The following ZC3HC1 variants were observed in gnomAD, a reference collection of about 807,000 sequenced individuals.
ZC3HC1 encodes the protein zinc finger C3HC-type protein 1.
In ZC3HC1, 38 loss-of-function variants were observed where a neutral mutation model predicts 61.9. The ratio of observed to expected loss-of-function variants is 0.61; its 90% CI spans 0.47 to 0.81. The LOEUF is 0.81. Ranked by LOEUF, ZC3HC1 falls within the 30% of genes least tolerant of loss-of-function variation. ZC3HC1 has a pLI of 0.00. For missense variants in ZC3HC1, 554 were observed against 622.7 expected (o/e 0.89, Z 1.17); for synonymous variants, 213 against 229.9 (o/e 0.93, Z 0.67).
chr7:130,049,115 A>G lies in ZC3HC1; in HGVS notation c.176T>C (p.Val59Ala). The G allele has an allele frequency of 1.2e-6, 2 of 1,604,078 alleles. No homozygotes were observed. Among genetic ancestry groups the G allele is most frequent in the South Asian group, 1.1e-5 (1 of 88,408 alleles). Residue 59 changes from valine to alanine, a missense_variant, in exon 2 of 10, where the codon GTT becomes GCT. Coordinates refer to ENST00000358303, the MANE Select transcript of ZC3HC1 (RefSeq NM_016478.5). ...TTGTTCCGCTTGGGGTGATCCATTA[A>G]CTGACTGGGATGTGGCAGACGTGTC... ...AKDTSATSQS[V>A]NGSPQAEQPS...
intron 4 of ZC3HC1, among the ~76,000 whole-genome samples, chr7:130,035,728 C>T (rs936694532): frequency 2.0e-5 from 3 of 152,130 alleles, no homozygotes; most frequent in Non-Finnish European, 2.9e-5. Flanking sequence ...GTGGTCCTCC[C>T]GCCTTGGCCT....
chr7:130,039,465 T>A lies in ZC3HC1; in HGVS notation c.492A>T (p.Pro164=). 1 of 1,610,312 alleles carries A rather than the reference T, an allele frequency of 6.2e-7. No homozygotes were observed. Among genetic ancestry groups the A allele is most frequent in the Non-Finnish European group, 8.5e-7 (1 of 1,178,820 alleles). ...ACAGGAATTCTCAAAAATAAGTACC[T>A]GGGGATGGGCTGTCTGGCCAGAAAC... ...KFCFWPDSPS[P]DRFGMLPLDE... is the part of the protein sequence containing the mutation. Residue 164 remains proline, a splice_region_variant and synonymous_variant, in exon 4 of 10, where the codon CCA becomes CCT. Coordinates refer to ENST00000358303, the MANE Select transcript of ZC3HC1 (RefSeq NM_016478.5).
chr7:130,038,460 T>C (rs924690739), intron 4 of ZC3HC1, among the ~76,000 whole-genome samples: 6 of 152,168 alleles, frequency 3.9e-5, no homozygotes, highest in African/African-American at 1.4e-4. Flanking sequence ...ATGGCATTGC[T>C]TGGTGTGGTG....
intron 1 of ZC3HC1, among the ~76,000 whole-genome samples, chr7:130,050,167 T>G (rs1795021320): frequency 6.6e-6 from 1 of 151,998 alleles, no homozygotes; most frequent in African/African-American, 2.4e-5. Context: ...AACCTCCGCC[T>G]CCCAGGTTCA....
In ZC3HC1 at chr7:130,045,601, C is replaced by T. The variant is rs1794831168; in HGVS notation, c.258+3432G>A. 4 of 447,926 alleles carry T rather than the reference C, an allele frequency of 8.9e-6. No homozygotes were observed. The Admixed American group carries it at 9.5e-5, about 11-fold the overall frequency. The allele number at this position is 447,926 out of a possible 1,614,324, so 27.7% of individuals were successfully genotyped here. ...TTTGGATCTCATTTGCTGCACTTTC[C>T]TTTATAAGACATCAACTGGGCCAGG... On this transcript the variant is annotated intron_variant, in intron 2 of 9. Transcript: ENST00000358303.
At position 130,023,785 on chromosome 7, in the gene ZC3HC1, C is replaced by T. The variant is rs1793759424; in HGVS notation, c.1021-62G>A. On this transcript the variant is annotated intron_variant, in intron 7 of 9. Coordinates refer to ENST00000358303, the MANE Select transcript of ZC3HC1 (RefSeq NM_016478.5). The surrounding 1 kb of genome is among the most constrained non-coding windows in gnomAD (Gnocchi z 4.2). Reference sequence around the variant, plus strand: ...ATATTAATGATTATGGTCAGAAATACTTCTTTCTTTAATCTTTTTTCTTTT... The same window carrying T: ...ATATTAATGATTATGGTCAGAAATATTTCTTTCTTTAATCTTTTTTCTTTT... 5 of 1,327,826 alleles carry T rather than the reference C, an allele frequency of 3.8e-6. No individual in the cohort carries two copies. The highest frequency in any genetic ancestry group is 2.3e-5 in the Admixed American group (1 of 43,674). 82.3% of individuals were successfully genotyped at this position (1,327,826 alleles called of 1,614,324 possible).
At chr7:130,044,986 A>G (rs1020922918) in intron 2 of ZC3HC1, among the ~76,000 whole-genome samples, 2 of 152,248 alleles carry the variant, frequency 1.3e-5, no homozygotes, top group Non-Finnish European at 2.9e-5. Flanking sequence ...AGATTAAAGG[A>G]GAATAAAGCA....
In ZC3HC1 at chr7:130,040,228, C is replaced by T. The variant is rs1398826223; in HGVS notation, c.410-681G>A. ...AAAAAAAAAAGGCCGGGCACGGTGG[C>T]TCACGCCTGTAATCCCAGCACTTTG... On this transcript the variant is annotated intron_variant, in intron 3 of 9. Coordinates refer to ENST00000358303, the MANE Select transcript of ZC3HC1 (RefSeq NM_016478.5). 1.5e-4 allele frequency among the ~76,000 whole-genome samples: 21 copies of T among 138,232 alleles called. No homozygotes were observed. The Admixed American group carries it at 1.5e-3, about 10-fold the overall frequency. 90.7% of individuals were successfully genotyped at this position (138,232 alleles called of 152,430 possible).
rs1584838878 is a variant in ZC3HC1, at chr7:130,022,580, G to C, written c.1234-55C>G. Reference sequence around the variant, plus strand: ...ATAGGTAGATGCTATGTAAGTTCAGGGAGGCACTGCTGTTAGTTATCAAGT... The same window carrying C: ...ATAGGTAGATGCTATGTAAGTTCAGCGAGGCACTGCTGTTAGTTATCAAGT... On this transcript the variant is annotated intron_variant, in intron 8 of 9. Transcript: ENST00000358303. The C allele has an allele frequency of 4.4e-6, 7 of 1,577,426 alleles. No homozygotes were observed. In the Middle Eastern group the frequency reaches 5.0e-4, roughly 113 times the overall value.
At chr7:130,037,158 C>T (rs539569002) in intron 4 of ZC3HC1, among the ~76,000 whole-genome samples, 7 of 152,284 alleles carry the variant, frequency 4.6e-5, no homozygotes, top group East Asian at 3.9e-4. Flanking sequence ...AAAACTTGGA[C>T]GGCCAGGCGC....
chr7:130,051,137 G>A, intron 1 of ZC3HC1, 84 bp downstream of exon 1: 1 of 1,503,046 alleles, frequency 6.7e-7, no homozygotes, highest in Non-Finnish European at 8.8e-7. Flanking sequence ...GCCGACCGAG[G>A]GGAACCTCCC....
Position 130,018,366 on chromosome 7 carries a change from TGAA to T in ZC3HC1, c.*295_*297del, listed in dbSNP as rs1181957436. 9.4e-6 allele frequency: 3 copies of T among 319,410 alleles called. No individual in the cohort carries two copies. The highest frequency in any genetic ancestry group is 1.7e-5 in the Non-Finnish European group (3 of 173,110). The allele number at this position is 319,410 out of a possible 1,614,324, so 19.8% of individuals were successfully genotyped here. ...GAGTCCTCAGAACACTGCTCCACAT[TGAA>T]GATGCTGAAATGGGTGGTCAGGTCC... is the stretch of plus-strand genomic sequence containing the variant. On this transcript the variant is annotated 3_prime_UTR_variant, in exon 10 of 10. Transcript: ENST00000358303.
At chr7:130,019,141 C>A (rs1793508715) in intron 9 of ZC3HC1, among the ~76,000 whole-genome samples, 1 of 150,900 alleles carries the variant, frequency 6.6e-6, no homozygotes, top group Non-Finnish European at 1.5e-5. Context: ...GCAAGCTCTG[C>A]CTCCCGGGTT....
intron 1 of ZC3HC1, 95 bp downstream of exon 1, chr7:130,051,126 C>A (rs1795057647): frequency 6.8e-7 from 1 of 1,477,416 alleles, no homozygotes; most frequent in South Asian, 1.4e-5. Flanking sequence ...CTGCCCGAGT[C>A]GCCGACCGAG....
chr7:130,032,527 T>A (rs1326537986), intron 4 of ZC3HC1, among the ~76,000 whole-genome samples: 1 of 151,020 alleles, frequency 6.6e-6, no homozygotes, highest in African/African-American at 2.4e-5. Flanking sequence ...ACGCCTGTAG[T>A]CATAGTTACT....
chr7:130,040,063 C>T (rs1794585905), intron 3 of ZC3HC1, among the ~76,000 whole-genome samples: 1 of 151,054 alleles, frequency 6.6e-6, no homozygotes, highest in African/African-American at 2.4e-5. Flanking sequence ...TGTGAGACTT[C>T]ATAAAAGTCC....
Position 130,023,464 on chromosome 7 carries a change from A to G in ZC3HC1, c.1233+47T>C. ...TCTCCATGCTGCCTAGGGAGGGCCC[A>G]ATATGCTGTTTATGCTCAGCCACTG... On this transcript the variant is annotated intron_variant, in intron 8 of 9. Transcript: ENST00000358303. The surrounding 1 kb of genome is among the most constrained non-coding windows in gnomAD (Gnocchi z 4.2). The G allele has an allele frequency of 6.3e-7, 1 of 1,590,190 alleles. No individual in the cohort carries two copies.
intron 2 of ZC3HC1, among the ~76,000 whole-genome samples, chr7:130,048,143 G>GTTT (rs11364921): frequency 8.7e-3 from 639 of 73,634 alleles, no homozygotes; most frequent in Non-Finnish European, 0.011. Context: ...TTTCCTAGTT[G>GTTT]TTTTTTTTTT....
chr7:130,031,093 GC>G (rs1297783391), intron 4 of ZC3HC1, among the ~76,000 whole-genome samples: 1 of 151,844 alleles, frequency 6.6e-6, no homozygotes, highest in East Asian at 2.0e-4. Flanking sequence ...ACTTTGGGAG[GC>G]CAAGGTGGGT....
Sources: allele counts gnomAD v4.1 joint callset (sites outside exome capture counted in the v4.1 genomes callset), GRCh38; gene constraint gnomAD v4.1.1; non-coding constraint Gnocchi (gnomAD v3.1); transcripts MANE v1.5; gene names NCBI Gene and HGNC (gene_info 2026-07-23, HGNC 2026-07-21).